The following GUCY1A1 variants were observed in gnomAD, a reference collection of about 807,000 sequenced individuals.
GUCY1A1 encodes guanylate cyclase 1 soluble subunit alpha 1.
In GUCY1A1, 48 loss-of-function variants were observed where a neutral mutation model predicts 64.5. The ratio of observed to expected loss-of-function variants is 0.74; its 90% CI spans 0.59 to 0.95. GUCY1A1 has a LOEUF of 0.95. Among genes scored for constraint, GUCY1A1 ranks in the 40% least tolerant of loss-of-function variants. GUCY1A1 has a pLI of 0.00. For synonymous variants in GUCY1A1, 308 were observed against 303.4 expected (o/e 1.02, Z -0.16); for missense variants, 804 against 825.3 (o/e 0.97, Z 0.32).
intron 9 of GUCY1A1, among the ~76,000 whole-genome samples, chr4:155,725,517 T>TA (rs1734542386): frequency 6.6e-6 from 1 of 152,096 alleles, no homozygotes; most frequent in African/African-American, 2.4e-5. Flanking sequence ...AGTGATGTGT[T>TA]ATGTGTATAT....
In GUCY1A1 at chr4:155,711,055, C is replaced by G. The variant is rs1289626014; in HGVS notation, c.890C>G (p.Thr297Arg). The part of the protein sequence containing the change: ...PFHFMFDKDM[T>R]ILQFGNGIRR... Reference sequence around the variant, plus strand: ...CATTTCATGTTTGACAAAGATATGACAATTCTGCAATTTGGCAATGGCATC... The same window carrying G: ...CATTTCATGTTTGACAAAGATATGAGAATTCTGCAATTTGGCAATGGCATC... The change falls in exon 6 of 10, where the codon ACA (threonine) becomes AGA (arginine). Residue 297 changes from threonine (T) to arginine (R), a missense_variant. By Grantham distance (71) the Thr-to-Arg change is moderately conservative. Coordinates refer to ENST00000506455, the MANE Select transcript of GUCY1A1 (RefSeq NM_001130682.3). 4 of 1,613,848 alleles carry G rather than the reference C, an allele frequency of 2.5e-6. No individual in the cohort carries two copies. Among genetic ancestry groups the G allele is most frequent in the African/African-American group, 1.3e-5 (1 of 74,918 alleles).
intron 1 of GUCY1A1, 187 bp from the exon 2 acceptor site, chr4:155,667,159 G>C (rs1370874261): frequency 6.6e-6 from 1 of 152,108 alleles, no homozygotes; most frequent in Non-Finnish European, 1.5e-5. Flanking sequence ...GGGCGATACA[G>C]TTTCCGAGGC....
At chr4:155,710,002 T>A (rs537722576) in intron 5 of GUCY1A1, among the ~76,000 whole-genome samples, 1 of 152,308 alleles carries the variant, frequency 6.6e-6, no homozygotes, top group African/African-American at 2.4e-5. Context: ...AATTATATAC[T>A]CCAAGCAGAC....
chr4:155,721,973 C>A, intron 8 of GUCY1A1, 65 bp from the exon 9 acceptor site: 1 of 1,105,104 alleles, frequency 9.0e-7, no homozygotes, highest in Non-Finnish European at 1.4e-6. Flanking sequence ...GGTATTCAAA[C>A]GACACTGACG....
rs1735709031 is a variant in GUCY1A1, at chr4:155,732,989, A to G, written c.*2758A>G. On this transcript the variant is annotated 3_prime_UTR_variant, in exon 10 of 10. Transcript: ENST00000506455. ...AAGCAAAGGGAAATACAGAATTAAAATGTTTCTTTCCATTTTGCTTTGTTT... is the reference window on the plus strand; with the variant it reads ...AAGCAAAGGGAAATACAGAATTAAAGTGTTTCTTTCCATTTTGCTTTGTTT... Among the ~76,000 whole-genome samples the G allele has an allele frequency of 6.6e-6, 1 of 151,894 alleles. No homozygotes were observed. The highest frequency in any genetic ancestry group is 1.5e-5 in the Non-Finnish European group (1 of 67,886).
At chr4:155,705,063 T>C (rs1487318432) in intron 4 of GUCY1A1, among the ~76,000 whole-genome samples, 1 of 152,198 alleles carries the variant, frequency 6.6e-6, no homozygotes, top group East Asian at 1.9e-4. Flanking sequence ...TTTGTTTTGG[T>C]TTTTGTTTTG....
chr4:155,666,923 C>T lies in GUCY1A1; in HGVS notation c.-229C>T, dbSNP rs1733375579. The stretch of plus-strand genomic sequence containing the variant: ...AGGACACCTGTGGGGGAGGGAGCGC[C>T]TGGAGGAGCTTAGAGACCCCAGCCG... On this transcript the variant is annotated 5_prime_UTR_variant, in exon 1 of 10. Coordinates refer to ENST00000506455, the MANE Select transcript of GUCY1A1 (RefSeq NM_001130682.3). The T allele has an allele frequency of 6.6e-6, 1 of 152,320 alleles. No homozygotes were observed. Among genetic ancestry groups the T allele is most frequent in the African/African-American group, 2.4e-5 (1 of 41,426 alleles). 9.4% of individuals were successfully genotyped at this position (152,320 alleles called of 1,614,324 possible). A position where few individuals can be genotyped will look rare whatever the true frequency, so the allele number is the denominator to read the frequency against.
chr4:155,692,341 C>T (rs980384032), intron 2 of GUCY1A1, among the ~76,000 whole-genome samples: 5 of 152,106 alleles, frequency 3.3e-5, no homozygotes, highest in Admixed American at 2.6e-4. Flanking sequence ...AATGGTATTT[C>T]TGTCTTTAGG....
chr4:155,723,912 C>T (rs1734313066), intron 9 of GUCY1A1, among the ~76,000 whole-genome samples: 1 of 152,096 alleles, frequency 6.6e-6, no homozygotes, highest in South Asian at 2.1e-4. Flanking sequence ...ATCTGCCCAC[C>T]TTGGCCTCCC....
chr4:155,716,436 A>C (rs757805569), intron 7 of GUCY1A1, among the ~76,000 whole-genome samples: 15 of 152,174 alleles, frequency 9.9e-5, no homozygotes, highest in Non-Finnish European at 1.9e-4. Flanking sequence ...AGCCAGCATC[A>C]CAGACAGATA....
chr4:155,681,606 C>T (rs1253971758), intron 2 of GUCY1A1, among the ~76,000 whole-genome samples: 1 of 152,160 alleles, frequency 6.6e-6, no homozygotes, highest in Non-Finnish European at 1.5e-5. Context: ...TTGTGACATA[C>T]ACTTCTTTTC....
intron 2 of GUCY1A1, among the ~76,000 whole-genome samples, chr4:155,690,972 A>G (rs1000328564): frequency 5.3e-5 from 8 of 152,220 alleles, no homozygotes; most frequent in African/African-American, 1.9e-4. Context: ...GTAGAAGACA[A>G]TCCAGTAATA....
chr4:155,715,644 T>C (rs990851629), intron 7 of GUCY1A1, among the ~76,000 whole-genome samples: 1 of 151,784 alleles, frequency 6.6e-6, no homozygotes, highest in Admixed American at 6.6e-5. Flanking sequence ...CAGGTAGGGG[T>C]GGGTGTAGGA....
At chr4:155,677,159 G>T (rs566236159) in intron 2 of GUCY1A1, among the ~76,000 whole-genome samples, 68 of 152,190 alleles carry the variant, frequency 4.5e-4, no homozygotes, top group Non-Finnish European at 5.9e-4. Context: ...AATATTTTTG[G>T]CATATGTGAA....
chr4:155,714,276 T>C, intron 7 of GUCY1A1, among the ~76,000 whole-genome samples: 1 of 152,166 alleles, frequency 6.6e-6, no homozygotes, highest in East Asian at 1.9e-4. Context: ...ACTCACAGAG[T>C]TTATATGCAT....
chr4:155,728,357 ATTGGCTC>A (rs1274362424), intron 9 of GUCY1A1, among the ~76,000 whole-genome samples: 4 of 151,774 alleles, frequency 2.6e-5, no homozygotes, highest in Admixed American at 6.6e-5. Flanking sequence ...AATTTTAACA[ATTGGCTC>A]TCACAAGCCA....
chr4:155,675,528 T>A (rs1734787948), intron 2 of GUCY1A1, among the ~76,000 whole-genome samples: 1 of 151,632 alleles, frequency 6.6e-6, no homozygotes, highest in Non-Finnish European at 1.5e-5. Context: ...AAAATTCTAT[T>A]TCTTTTAATG....
chr4:155,675,601 A>G (rs568818395), intron 2 of GUCY1A1, among the ~76,000 whole-genome samples: 25 of 151,576 alleles, frequency 1.6e-4, no homozygotes, highest in Non-Finnish European at 2.9e-4. Flanking sequence ...TCTATCCCAA[A>G]TAACAATTTA....
At position 155,689,469 on chromosome 4, in the gene GUCY1A1, G is replaced by A. The variant is rs941816355; in HGVS notation, c.-112-7287G>A. On this transcript the variant is annotated intron_variant, in intron 2 of 9. Coordinates refer to ENST00000506455, the MANE Select transcript of GUCY1A1 (RefSeq NM_001130682.3). ...TGTATTCAAATTGTAGTCATCACAC[G>A]GGAGAGTTTTTAAAATATATTTTAG... Among the ~76,000 whole-genome samples the A allele has an allele frequency of 2.4e-4, 36 of 152,176 alleles. 1 individual carries two copies. The highest frequency in any genetic ancestry group is 7.9e-4 in the African/African-American group (33 of 41,520).
Sources: gnomAD v4.1 joint callset for allele counts (sites outside exome capture counted in the v4.1 genomes callset) on GRCh38, gnomAD v4.1.1 for gene constraint, MANE v1.5 for transcripts, NCBI Gene and HGNC (gene_info 2026-07-23, HGNC 2026-07-21) for gene names.